The following LOC122539214 variants were observed in gnomAD, a reference collection of about 807,000 sequenced individuals.
chr19:52,659,869 C>T, the LOC122539214 span, among the ~76,000 whole-genome samples: 1 of 152,074 alleles, frequency 6.6e-6, no homozygotes, highest in Admixed American at 6.5e-5. Flanking sequence ...CTAACTCTCA[C>T]CCAAGAGGGA....
chr19:52,685,993 C>T, the LOC122539214 span, among the ~76,000 whole-genome samples: 1 of 151,820 alleles, frequency 6.6e-6, no homozygotes, highest in Non-Finnish European at 1.5e-5. Context: ...TGTCCAAACG[C>T]ACCAGAGGGC....
At chr19:52,667,096 G>A in the LOC122539214 span, among the ~76,000 whole-genome samples, 2 of 151,896 alleles carry the variant, frequency 1.3e-5, no homozygotes, top group African/African-American at 2.4e-5. Flanking sequence ...CGTTTTCAAC[G>A]AAAGTCAAGT....
the LOC122539214 span, among the ~76,000 whole-genome samples, chr19:52,679,478 G>A: frequency 6.6e-6 from 1 of 152,172 alleles, no homozygotes; most frequent in Non-Finnish European, 1.5e-5. Flanking sequence ...AGGTATGGTG[G>A]AGCATGCTTA....
At chr19:52,657,425 T>C in the LOC122539214 span, among the ~76,000 whole-genome samples, 4 of 151,826 alleles carry the variant, frequency 2.6e-5, no homozygotes, top group African/African-American at 9.7e-5. Context: ...GCCTCATCAA[T>C]ATGGTGAAAC....
chr19:52,681,280 CA>C, the LOC122539214 span, among the ~76,000 whole-genome samples: 406 of 75,416 alleles, frequency 5.4e-3, no homozygotes, highest in African/African-American at 0.012. Context: ...GAGACTTTCT[CA>C]AAAAAAAAAA....
chr19:52,688,799 C>T, the LOC122539214 span, among the ~76,000 whole-genome samples: 1 of 152,056 alleles, frequency 6.6e-6, no homozygotes, highest in African/African-American at 2.4e-5. Context: ...CACAATGTGG[C>T]AAGGCAAGGT....
chr19:52,683,116 C>T, the LOC122539214 span, among the ~76,000 whole-genome samples: 16 of 152,168 alleles, frequency 1.1e-4, no homozygotes, highest in African/African-American at 3.9e-4. Context: ...GTGATCCACC[C>T]GCCTTGGCCT....
chr19:52,655,374 A>C, the LOC122539214 span: 1 of 562,772 alleles, frequency 1.8e-6, no homozygotes, highest in Admixed American at 3.2e-5. Context: ...GTTTTTATGT[A>C]AAACCACTCC....
At chr19:52,664,030 A>C in the LOC122539214 span, among the ~76,000 whole-genome samples, 1 of 152,198 alleles carries the variant, frequency 6.6e-6, no homozygotes, top group Non-Finnish European at 1.5e-5. Context: ...AATTACAGGC[A>C]AGCATCACCA....
chr19:52,672,048 AC>A, the LOC122539214 span, among the ~76,000 whole-genome samples: 2 of 152,148 alleles, frequency 1.3e-5, no homozygotes, highest in African/African-American at 4.8e-5. Flanking sequence ...AGCCTGGCTA[AC>A]ATGGTGAAAC....
chr19:52,684,960 C>G, the LOC122539214 span, among the ~76,000 whole-genome samples: 8 of 152,290 alleles, frequency 5.3e-5, no homozygotes, highest in East Asian at 1.9e-4. Context: ...CCCTGCCAGG[C>G]ACTGACATGA....
the LOC122539214 span, chr19:52,653,943 T>C: frequency 1.7e-6 from 2 of 1,161,970 alleles, no homozygotes; most frequent in Non-Finnish European, 2.5e-6. Context: ...TTTGTGTCAA[T>C]AATGAAGAAT....
chr19:52,654,039 G>A, the LOC122539214 span: 2 of 1,580,462 alleles, frequency 1.3e-6, no homozygotes, highest in South Asian at 2.2e-5. Flanking sequence ...AGGAAGCATT[G>A]TTGATAGACT....
At chr19:52,652,872 C>A in the LOC122539214 span, 16 of 1,024,674 alleles carry the variant, frequency 1.6e-5, no homozygotes, top group Non-Finnish European at 2.1e-5. Context: ...GACTGAAGGT[C>A]TTGCCACACT....
the LOC122539214 span, among the ~76,000 whole-genome samples, chr19:52,666,910 C>T: frequency 1.3e-5 from 2 of 152,148 alleles, no homozygotes; most frequent in East Asian, 3.9e-4. Context: ...CTTGCAGAAG[C>T]AGAGTTAGGA....
the LOC122539214 span, among the ~76,000 whole-genome samples, chr19:52,678,258 C>G: frequency 6.6e-6 from 1 of 151,624 alleles, no homozygotes; most frequent in African/African-American, 2.4e-5. Context: ...CAAGACCAGA[C>G]TGGCCAAGAT....
At chr19:52,683,528 A>ACACTCACTCTG in the LOC122539214 span, among the ~76,000 whole-genome samples, 2 of 82,686 alleles carry the variant, frequency 2.4e-5, 1 homozygote. Flanking sequence ...ATCCAAAGGG[A>ACACTCACTCTG]AGGGCAAAGT....
At chr19:52,687,595 T>A in the LOC122539214 span, among the ~76,000 whole-genome samples, 2 of 33,268 alleles carry the variant, frequency 6.0e-5, no homozygotes, top group Non-Finnish European at 9.6e-5. Context: ...TATATATATA[T>A]AATGTATATA....
chr19:52,681,955 C>T, the LOC122539214 span, among the ~76,000 whole-genome samples: 1 of 152,302 alleles, frequency 6.6e-6, no homozygotes, highest in Admixed American at 6.5e-5. Flanking sequence ...CTAAGCAATT[C>T]TCCTGCCTCA....
Sources: gnomAD v4.1 joint callset for allele counts (sites outside exome capture counted in the v4.1 genomes callset) on GRCh38, gnomAD v4.1.1 for gene constraint, MANE v1.5 for transcripts.